LINGO1: variants seen among roughly 807,000 people sequenced by gnomAD.
The protein encoded by LINGO1 is leucine-rich repeat and immunoglobulin-like domain-containing nogo receptor-interacting protein 1.
LINGO1 carries 11 observed loss-of-function variants against 37.3 expected under a neutral mutation model. That is an observed-to-expected ratio of 0.29 (90% CI 0.19 to 0.49). The LOEUF is 0.49. Ranked by LOEUF, LINGO1 falls within the 20% of genes least tolerant of loss-of-function variation. LINGO1 has a pLI of 0.99. For missense variants in LINGO1, 585 were observed against 878.2 expected (o/e 0.67, Z 4.22); for synonymous variants, 387 against 403.0 (o/e 0.96, Z 0.48).
chr15:77,632,439 C>CGGGCGGA lies in LINGO1; in HGVS notation c.-125_-124insTCCGCCC. ...TTCCTCCTCCTCCGACACCTCCGCCCGGCAGTCCGCGCGCCCTCGCGGGGC... is the reference window on the plus strand; with the variant it reads ...TTCCTCCTCCTCCGACACCTCCGCCCGGGCGGAGGCAGTCCGCGCGCCCTCGCGGGGC... On this transcript the variant is annotated 5_prime_UTR_variant, in exon 1 of 2. Coordinates refer to ENST00000355300, the MANE Select transcript of LINGO1 (RefSeq NM_032808.7). This position sits in a 1 kb window ranked among gnomAD's most constrained non-coding sequence, Gnocchi z 6.0. 1 of 1,071,770 alleles carries CGGGCGGA rather than the reference C, an allele frequency of 9.3e-7. No homozygotes were observed. Among genetic ancestry groups the CGGGCGGA allele is most frequent in the Non-Finnish European group, 1.2e-6 (1 of 840,402 alleles). The allele number at this position is 1,071,770 out of a possible 1,614,324, so 66.4% of individuals were successfully genotyped here. A position where few individuals can be genotyped will look rare whatever the true frequency, so the allele number is the denominator to read the frequency against.
At chr15:77,752,196 C>T (rs193143563) in intron 1 of LINGO1, among the ~76,000 whole-genome samples, 1 of 152,316 alleles carries the variant, frequency 6.6e-6, no homozygotes, top group Non-Finnish European at 1.5e-5. Flanking sequence ...GCCCTGCCTG[C>T]CCCAGCCCCT....
rs772427180 is a variant in LINGO1 at position 77,614,034 on chromosome 15, C to T, written c.*10G>A. 2.6e-5 allele frequency: 40 copies of T among 1,554,380 alleles called. No homozygotes were observed. The highest frequency in any genetic ancestry group is 1.7e-4 in the Middle Eastern group (1 of 5,778). ...CGGCCGCCCGGGGGTCCCTGCCCCC[C>T]GCCCCGGCCTCATATCATCTTCATG... On this transcript the variant is annotated 3_prime_UTR_variant, in exon 2 of 2. Transcript: ENST00000355300.
Position 77,615,109 on chromosome 15 carries a change from C to A in LINGO1, c.798G>T (p.Thr266=), listed in dbSNP as rs141129663. The A allele has an allele frequency of 6.2e-7, 1 of 1,613,972 alleles. No homozygotes were observed. Among genetic ancestry groups the A allele is most frequent in the African/African-American group, 1.3e-5 (1 of 75,042 alleles). The change falls in exon 2 of 2, where the codon ACG becomes ACT. Residue 266 remains threonine, a synonymous_variant. Coordinates refer to ENST00000355300, the MANE Select transcript of LINGO1 (RefSeq NM_032808.7). Reference sequence around the variant, plus strand: ...GATTGCAGTGTGTGATGGACAGGGACGTCAGGTTGAGGCCGTAGAGGCAGT... The same window carrying A: ...GATTGCAGTGTGTGATGGACAGGGAAGTCAGGTTGAGGCCGTAGAGGCAGT... ...TPNCLYGLNL[T]SLSITHCNLT...
intron 1 of LINGO1, among the ~76,000 whole-genome samples, chr15:77,751,533 G>GA (rs1159518813): frequency 1.3e-5 from 2 of 152,100 alleles, no homozygotes; most frequent in Admixed American, 1.3e-4. Context: ...GGGTAGGGGG[G>GA]ACACAGAGAA....
At chr15:77,650,326 AT>A (rs574942321) in intron 3 of LINGO1, among the ~76,000 whole-genome samples, 413 of 152,362 alleles carry the variant, frequency 2.7e-3, no homozygotes, top group Non-Finnish European at 3.6e-3. Context: ...AAGCAAAAAA[AT>A]ATACATATTA....
chr15:77,793,548 A>G (rs12906902), intron 2 of LINGO1, among the ~76,000 whole-genome samples: 30,394 of 152,092 alleles, frequency 0.2, 3,255 homozygotes, highest in African/African-American at 0.28. Context: ...CTACCCTGCC[A>G]CCCTAAACTT....
intron 3 of LINGO1, among the ~76,000 whole-genome samples, chr15:77,669,565 T>A (rs558927455): frequency 5.7e-4 from 87 of 152,308 alleles, no homozygotes; most frequent in Middle Eastern, 3.4e-3. Flanking sequence ...CTAGAAAATG[T>A]CCACACAGGC....
chr15:77,748,694 CT>C (rs1037371739), intron 1 of LINGO1, among the ~76,000 whole-genome samples: 3 of 151,520 alleles, frequency 2.0e-5, no homozygotes, highest in East Asian at 1.9e-4. Context: ...TTTTCTTTTT[CT>C]TTTTTCTTTT....
chr15:77,810,873 AG>A (rs2076999940), intron 1 of LINGO1, among the ~76,000 whole-genome samples: 1 of 152,140 alleles, frequency 6.6e-6, no homozygotes, highest in Non-Finnish European at 1.5e-5. Context: ...CCTCCCAGGG[AG>A]GAGTCCAGGC....
In LINGO1 at chr15:77,705,564, G is replaced by A. The variant is rs537437744; in HGVS notation, c.-194-14663C>T. 2.0e-5 allele frequency among the ~76,000 whole-genome samples: 3 copies of A among 152,328 alleles called. No homozygotes were observed. In the East Asian group the frequency reaches 5.8e-4, roughly 29 times the overall value. ...GCCCCTGTGGTGGGGACAGGCAAGT[G>A]CCAAGCACCCTCCCAAGACCAAGAA... On this transcript the variant is annotated intron_variant, in intron 2 of 3. Coordinates refer to the LINGO1 transcript ENST00000561686.
At chr15:77,647,577 C>A (rs2074662035) in intron 3 of LINGO1, among the ~76,000 whole-genome samples, 1 of 152,174 alleles carries the variant, frequency 6.6e-6, no homozygotes, top group African/African-American at 2.4e-5. Flanking sequence ...CTAAGGATCA[C>A]AGTTGCCTTT....
At position 77,622,163 on chromosome 15, in the gene LINGO1, C is replaced by G. The variant is rs930813087; in HGVS notation, c.7-6263G>C. 2.6e-5 allele frequency among the ~76,000 whole-genome samples: 4 copies of G among 152,178 alleles called. No homozygotes were observed. In the South Asian group the frequency reaches 8.3e-4, roughly 32 times the overall value. On this transcript the variant is annotated intron_variant, in intron 1 of 1. Transcript: ENST00000355300. Reference sequence around the variant, plus strand: ...CACTTCGGAAAGTCTGCCCAGGGCTCTGCCCAGATCCACTGCCAAGAAATG... The same window carrying G: ...CACTTCGGAAAGTCTGCCCAGGGCTGTGCCCAGATCCACTGCCAAGAAATG...
chr15:77,721,581 G>A lies in LINGO1; in HGVS notation c.-195+13411C>T, dbSNP rs117851969. Among the ~76,000 whole-genome samples the A allele has an allele frequency of 4.6e-5, 7 of 152,230 alleles. No individual in the cohort carries two copies. The East Asian group carries it at 1.3e-3, about 29-fold the overall frequency. Reference sequence around the variant, plus strand: ...ACTACAGAAGCTCCATGAAGAACCCGGTTTGATTGACTGTGTTTTTTATTT... The same window carrying A: ...ACTACAGAAGCTCCATGAAGAACCCAGTTTGATTGACTGTGTTTTTTATTT... On this transcript the variant is annotated intron_variant, in intron 2 of 3. Coordinates refer to the LINGO1 transcript ENST00000561686.
chr15:77,733,118 T>C (rs2076169711), intron 2 of LINGO1, among the ~76,000 whole-genome samples: 1 of 151,996 alleles, frequency 6.6e-6, no homozygotes, highest in Admixed American at 6.5e-5. Flanking sequence ...AGCTCCCCCA[T>C]CTAGGTCAGG....
chr15:77,678,825 T>A (rs1237372153), intron 2 of LINGO1, among the ~76,000 whole-genome samples: 2 of 152,236 alleles, frequency 1.3e-5, no homozygotes, highest in Non-Finnish European at 2.9e-5. Context: ...TTGCCAACAC[T>A]TGGTATTAGA....
At chr15:77,727,065 TC>T (rs2076109498) in intron 2 of LINGO1, among the ~76,000 whole-genome samples, 1 of 152,182 alleles carries the variant, frequency 6.6e-6, no homozygotes, top group Non-Finnish European at 1.5e-5. Context: ...ATAGGGATGG[TC>T]ACTACGGAAA....
At chr15:77,746,935 C>A (rs1168644592) in intron 1 of LINGO1, among the ~76,000 whole-genome samples, 1 of 152,218 alleles carries the variant, frequency 6.6e-6, no homozygotes, top group East Asian at 1.9e-4. Context: ...CTGGCCCAGA[C>A]CAAAACCCCC....
In LINGO1 at chr15:77,613,076, C is replaced by T. The variant is rs866213831; in HGVS notation, c.*968G>A. ...TTACAAAGTGTTTCACATACATCAT[C>T]TCATCAATTCCTCACAACAGCCCTG... On this transcript the variant is annotated 3_prime_UTR_variant, in exon 2 of 2. Transcript: ENST00000355300. 26 of 152,442 alleles carry T rather than the reference C, an allele frequency of 1.7e-4. No individual in the cohort carries two copies. Among genetic ancestry groups the T allele is most frequent in the African/African-American group, 6.0e-4 (25 of 41,568 alleles). 9.4% of individuals were successfully genotyped at this position (152,442 alleles called of 1,614,324 possible).
rs572310128 is a variant in LINGO1, at chr15:77,616,735, C to T, written c.7-835G>A. Among the ~76,000 whole-genome samples the T allele has an allele frequency of 9.8e-5, 15 of 152,306 alleles. No homozygotes were observed. In the South Asian group the frequency reaches 1.0e-3, roughly 11 times the overall value. On this transcript the variant is annotated intron_variant, in intron 1 of 1. Transcript: ENST00000355300. ...AGCTCAGGCTCCTGAGCCCAGGGCC[C>T]GGAGAATGTCTTTTCCTGCCTCCTG...
Sources: allele counts gnomAD v4.1 joint callset (sites outside exome capture counted in the v4.1 genomes callset), GRCh38; gene constraint gnomAD v4.1.1; non-coding constraint Gnocchi (gnomAD v3.1); transcripts MANE v1.5; gene names NCBI Gene and HGNC (gene_info 2026-07-23, HGNC 2026-07-21).